Variants in TRIM71 observed in about 807,000 individuals in gnomAD.
TRIM71 encodes tripartite motif containing 71, also known as E3 ubiquitin-protein ligase TRIM71.
A neutral mutation model predicts 61.2 loss-of-function variants in TRIM71; 9 were observed. The observed-to-expected ratio is 0.15, with a 90% CI of 0.09 to 0.26. TRIM71 has a LOEUF of 0.26. Among genes scored for constraint, TRIM71 ranks in the 10% least tolerant of loss-of-function variants. TRIM71 has a pLI of 1.00. For missense variants in TRIM71, 998 were observed against 1,238.7 expected (o/e 0.81, Z 2.92); for synonymous variants, 645 against 553.2 (o/e 1.17, Z -2.33).
rs927090007 is a variant in TRIM71 at position 32,893,763 on chromosome 3, C to T, written c.*1952C>T. 1 of 151,678 alleles carries T rather than the reference C, an allele frequency of 6.6e-6. No homozygotes were observed. Among genetic ancestry groups the T allele is most frequent in the Non-Finnish European group, 1.5e-5 (1 of 68,020 alleles). 9.4% of individuals were successfully genotyped at this position (151,678 alleles called of 1,614,324 possible). Reference sequence around the variant, plus strand: ...AGTCAATCAAGTTGCTTTTCCCGTACACCTCTTTTGGACGTTTAATTTACT... The same window carrying T: ...AGTCAATCAAGTTGCTTTTCCCGTATACCTCTTTTGGACGTTTAATTTACT... On this transcript the variant is annotated 3_prime_UTR_variant, in exon 4 of 4. Transcript: ENST00000383763.
chr3:32,826,781 G>C (rs903979208), intron 1 of TRIM71, among the ~76,000 whole-genome samples: 1 of 150,728 alleles, frequency 6.6e-6, no homozygotes, highest in Admixed American at 6.6e-5. Flanking sequence ...TTTTTGAGAC[G>C]GAGTCTTGCT....
At chr3:32,838,646 T>TAAGA (rs1211958421) in intron 1 of TRIM71, among the ~76,000 whole-genome samples, 1 of 152,072 alleles carries the variant, frequency 6.6e-6, no homozygotes, top group African/African-American at 2.4e-5. Flanking sequence ...GCTAAAGCTC[T>TAAGA]TTGGTCCTTG....
rs775148875 is a variant in TRIM71 at position 32,890,983 on chromosome 3, C to T, written c.1779C>T (p.Gly593=). 31 of 1,614,038 alleles carry T rather than the reference C, an allele frequency of 1.9e-5. No individual in the cohort carries two copies. The highest frequency in any genetic ancestry group is 3.3e-4 in the Middle Eastern group (2 of 6,084). Residue 593 remains glycine, a synonymous_variant, in exon 4 of 4, where the codon GGC becomes GGT. Coordinates refer to ENST00000383763, the MANE Select transcript of TRIM71 (RefSeq NM_001039111.3). This position sits in a 1 kb window ranked among gnomAD's most constrained non-coding sequence, Gnocchi z 6.2. ...GCTACGTGGGCATTGGGCTCCCGGG[C>T]CTGAGCTTCGGCAGTGAGGGTGACA... is the stretch of plus-strand genomic sequence containing the variant. ...GRSYVGIGLP[G]LSFGSEGDSD... is the part of the protein sequence containing the mutation.
chr3:32,835,238 T>TGG (rs1696321738), intron 1 of TRIM71, among the ~76,000 whole-genome samples: 1 of 152,158 alleles, frequency 6.6e-6, no homozygotes, highest in South Asian at 2.1e-4. Flanking sequence ...TGTAACATGA[T>TGG]GGGGGGAGTG....
In TRIM71 at chr3:32,889,832, C is replaced by A. The variant is rs536024275; in HGVS notation, c.1156-528C>A. On this transcript the variant is annotated intron_variant, in intron 3 of 3. Transcript: ENST00000383763. ...TCTCAAACTCCTGACCTCAGGTGAT[C>A]TGCCTGCTTCATCCTCCCAAAGTGC... Among the ~76,000 whole-genome samples, 3 of 152,148 alleles carry A rather than the reference C, an allele frequency of 2.0e-5. No homozygotes were observed. The East Asian group carries it at 5.8e-4, about 29-fold the overall frequency.
chr3:32,867,737 C>A (rs1013245053), intron 1 of TRIM71, among the ~76,000 whole-genome samples: 2 of 152,112 alleles, frequency 1.3e-5, no homozygotes, highest in African/African-American at 4.8e-5. Context: ...GGTGAGAACA[C>A]ATAAAAATGT....
chr3:32,835,911 G>A (rs967436455), intron 1 of TRIM71, among the ~76,000 whole-genome samples: 2 of 152,180 alleles, frequency 1.3e-5, no homozygotes, highest in Non-Finnish European at 2.9e-5. Context: ...CAAGCATATA[G>A]AGGTTAGTCT....
At chr3:32,883,375 C>T (rs185604383) in intron 2 of TRIM71, among the ~76,000 whole-genome samples, 132 of 152,334 alleles carry the variant, frequency 8.7e-4, no homozygotes, top group Middle Eastern at 3.4e-3. Context: ...AGGCCAAGAT[C>T]AAGGTGTCGG....
At chr3:32,883,841 T>C (rs901885863) in intron 2 of TRIM71, among the ~76,000 whole-genome samples, 1 of 152,220 alleles carries the variant, frequency 6.6e-6, no homozygotes, top group Non-Finnish European at 1.5e-5. Context: ...CCTGCTTTGA[T>C]ATGTAATGGT....
intron 2 of TRIM71, among the ~76,000 whole-genome samples, chr3:32,884,743 C>T (rs899609101): frequency 6.6e-6 from 1 of 152,050 alleles, no homozygotes; most frequent in African/African-American, 2.4e-5. Flanking sequence ...CTAAGTGTGA[C>T]TAATGGTAAA....
At chr3:32,828,278 A>G (rs892132650) in intron 1 of TRIM71, among the ~76,000 whole-genome samples, 6 of 152,168 alleles carry the variant, frequency 3.9e-5, no homozygotes. Flanking sequence ...AGGAGAGTAG[A>G]AAGTTTAGGT....
rs1293370296 is a variant in TRIM71 at position 32,893,080 on chromosome 3, CAAATT to C, written c.*1272_*1276del. ...TCAGGGAAATAGAAGGTTTGAAAGT[CAAATT>C]AATACCAACAGCCCAGTCCCACACC... On this transcript the variant is annotated 3_prime_UTR_variant, in exon 4 of 4. Coordinates refer to ENST00000383763, the MANE Select transcript of TRIM71 (RefSeq NM_001039111.3). 6.6e-6 allele frequency: 1 copy of C among 152,030 alleles called. No homozygotes were observed. The allele number at this position is 152,030 out of a possible 1,614,324, so 9.4% of individuals were successfully genotyped here.
rs147735031 is a variant in TRIM71 at position 32,837,690 on chromosome 3, G to A, written c.852+18758G>A. Among the ~76,000 whole-genome samples, 1,022 of 152,076 alleles carry A rather than the reference G, an allele frequency of 6.7e-3. 11 individuals carry two copies. Among genetic ancestry groups the A allele is most frequent in the African/African-American group, 0.022 (904 of 41,494 alleles). ...AAAAATTAGCCAGACGTGGTGGCAC[G>A]CACCTGTAGTGAAGCTGAGGCAGGA... On this transcript the variant is annotated intron_variant, in intron 1 of 3. Transcript: ENST00000383763.
intron 1 of TRIM71, among the ~76,000 whole-genome samples, chr3:32,840,125 A>T (rs148190886): frequency 6.6e-6 from 1 of 152,148 alleles, no homozygotes; most frequent in Non-Finnish European, 1.5e-5. Context: ...GGAGTTGTTC[A>T]TCTCCTGCTC....
chr3:32,819,005 T>A (rs1696097681), intron 1 of TRIM71, 73 bp downstream of exon 1: 2 of 1,507,718 alleles, frequency 1.3e-6, no homozygotes, highest in East Asian at 4.5e-5. Context: ...TCCCGGCCGG[T>A]CCCACAGCGA....
At chr3:32,852,991 T>G (rs1264421977) in intron 1 of TRIM71, among the ~76,000 whole-genome samples, 1 of 152,168 alleles carries the variant, frequency 6.6e-6, no homozygotes, top group Non-Finnish European at 1.5e-5. Context: ...TACTATAGAT[T>G]TGGTTACCAA....
intron 1 of TRIM71, among the ~76,000 whole-genome samples, chr3:32,825,703 AGATAAT>A (rs1361004544): frequency 6.6e-6 from 1 of 152,054 alleles, no homozygotes; most frequent in Non-Finnish European, 1.5e-5. Flanking sequence ...AGCAAGAGAA[AGATAAT>A]GATAAAGAAT....
At position 32,818,337 on chromosome 3, in the gene TRIM71, C is replaced by G. The variant is rs1477089546; in HGVS notation, c.257C>G (p.Pro86Arg). The change falls in exon 1 of 4, where the codon CCG becomes CGG. Residue 86 changes from proline to arginine, a missense_variant. Pro to Arg is a moderately radical substitution (Grantham distance 103). Transcript: ENST00000383763. ...PAAGGGAAGE[P>R]LKLRCPVCDQ... ...GCGGGCGGCGGCGCGGCGGGAGAGC[C>G]GCTCAAGCTGCGCTGCCCCGTGTGC... 1.5e-5 allele frequency: 22 copies of G among 1,449,254 alleles called. No homozygotes were observed. The highest frequency in any genetic ancestry group is 3.0e-5 in the African/African-American group (2 of 67,216). The allele number at this position is 1,449,254 out of a possible 1,614,324, so 89.8% of individuals were successfully genotyped here. A position where few individuals can be genotyped will look rare whatever the true frequency, so the allele number is the denominator to read the frequency against.
intron 1 of TRIM71, among the ~76,000 whole-genome samples, chr3:32,867,808 T>A (rs2125687230): frequency 6.6e-6 from 1 of 152,326 alleles, no homozygotes; most frequent in Middle Eastern, 3.4e-3. Flanking sequence ...TCAGTTTTGC[T>A]GCCAAATAGT....
Sources: gnomAD v4.1 joint callset for allele counts (sites outside exome capture counted in the v4.1 genomes callset) on GRCh38, gnomAD v4.1.1 for gene constraint, Gnocchi (gnomAD v3.1) non-coding constraint, MANE v1.5 for transcripts, NCBI Gene and HGNC (gene_info 2026-07-23, HGNC 2026-07-21) for gene names.